Variants in BZW2 observed in about 807,000 individuals in gnomAD.
BZW2 encodes eIF5-mimic protein 1.
A neutral mutation model predicts 53.2 loss-of-function variants in BZW2; 23 were observed. The observed-to-expected ratio is 0.43, with a 90% CI of 0.31 to 0.61. The LOEUF (loss-of-function observed/expected upper bound fraction) is 0.61, where lower values mean the gene tolerates loss of function less well. BZW2 is among the 20% of genes least tolerant of loss of function. BZW2 has a pLI of 0.09. For missense variants in BZW2, 409 were observed against 503.1 expected, an observed-to-expected ratio of 0.81 and a Z score of 1.79; for synonymous variants, 227 against 186.4, an observed-to-expected ratio of 1.22 and a Z score of -1.77.
intron 3 of BZW2, 56 bp from the exon 4 acceptor site, chr7:16,681,245 A>G: frequency 7.4e-7 from 1 of 1,352,130 alleles, no homozygotes; most frequent in Non-Finnish European, 1.1e-6. Context: ...TGTGTTCTGC[A>G]AATGCTGTTC....
In BZW2 at chr7:16,689,822, G is replaced by T. The variant is rs1451231227; in HGVS notation, c.567G>T (p.Lys189Asn). The T allele has an allele frequency of 6.2e-7, 1 of 1,608,320 alleles. No homozygotes were observed. The highest frequency in any genetic ancestry group is 8.5e-7 in the Non-Finnish European group (1 of 1,177,080). Residue 189 changes from lysine (K) to asparagine (N), a missense_variant, in exon 7 of 12, where the codon AAG (lysine) becomes AAT (asparagine). Around this residue, in one of 3 missense-constraint regions of BZW2, gnomAD observed 316 missense variants for 366.8 expected, o/e 0.86. Coordinates refer to ENST00000258761, the MANE Select transcript of BZW2 (RefSeq NM_014038.3). ...GCATTGCGGCCTCATTTGCTGTCAA[G>T]CTTTTCAAAGCATGGATGGCAGAAA... ...KEGIAASFAV[K>N]LFKAWMAEKD...
chr7:16,698,035 A>G lies in BZW2; in HGVS notation c.970-13A>G. 1 of 1,613,716 alleles carries G rather than the reference A, an allele frequency of 6.2e-7. No homozygotes were observed. The highest frequency in any genetic ancestry group is 1.1e-5 in the South Asian group (1 of 91,048). On this transcript the variant is annotated splice_polypyrimidine_tract_variant and intron_variant, in intron 9 of 11. Transcript: ENST00000258761. ...ACGCAAGTGACGGCTTTTACTCTCCACTTCTGTTCTAGCAATATGCTCCCC... is the reference window on the plus strand; with the variant it reads ...ACGCAAGTGACGGCTTTTACTCTCCGCTTCTGTTCTAGCAATATGCTCCCC...
rs1469606802 is a variant in BZW2 at position 16,681,332 on chromosome 7, C to A, written c.267C>A (p.Asp89Glu). 6.2e-7 allele frequency: 1 copy of A among 1,614,024 alleles called. No homozygotes were observed. Among genetic ancestry groups the A allele is most frequent in the Admixed American group, 1.7e-5 (1 of 60,010 alleles). ...APGGTRIDDG[D>E]KTKMTNHCVF... is the part of the protein sequence containing the mutation. ...GAGGAACGCGCATAGATGATGGTGA[C>A]AAGACCAAGATGACCAACCACTGTG... Residue 89 changes from aspartate to glutamate, a missense_variant, in exon 4 of 12, where the codon GAC becomes GAA. Coordinates refer to ENST00000258761, the MANE Select transcript of BZW2 (RefSeq NM_014038.3).
chr7:16,661,838 CAG>C (rs1180983018), intron 1 of BZW2, among the ~76,000 whole-genome samples: 1 of 152,106 alleles, frequency 6.6e-6, no homozygotes, highest in Non-Finnish European at 1.5e-5. Context: ...GTTTTTAAAA[CAG>C]AAGCCAAATT....
intron 7 of BZW2, among the ~76,000 whole-genome samples, chr7:16,692,634 C>T (rs1199037942): frequency 6.6e-6 from 1 of 152,022 alleles, no homozygotes; most frequent in African/African-American, 2.4e-5. Flanking sequence ...CGTGATGGTG[C>T]ACACCTGTAA....
In BZW2 at chr7:16,696,806, C is replaced by G. The variant is rs540234431; in HGVS notation, c.823-109C>G. Reference sequence around the variant, plus strand: ...GCAGACAAGGAAAGGAGAAGCTAAGCAGATTGTTTCTTAGCTGCCCCAAAA... The same window carrying G: ...GCAGACAAGGAAAGGAGAAGCTAAGGAGATTGTTTCTTAGCTGCCCCAAAA... On this transcript the variant is annotated intron_variant, in intron 8 of 11. Transcript: ENST00000258761. 4.7e-6 allele frequency: 5 copies of G among 1,055,814 alleles called. No homozygotes were observed. The South Asian group carries it at 7.4e-5, about 16-fold the overall frequency. The allele number at this position is 1,055,814 out of a possible 1,614,324, so 65.4% of individuals were successfully genotyped here.
At chr7:16,697,170 A>T (rs979746858) in intron 9 of BZW2, 109 bp downstream of exon 9, 29 of 1,305,272 alleles carry the variant, frequency 2.2e-5, no homozygotes, top group Non-Finnish European at 2.9e-5. Context: ...GCTCACTGCA[A>T]CTTTGAACTC....
At chr7:16,675,954 G>A (rs959223507) in intron 3 of BZW2, among the ~76,000 whole-genome samples, 1 of 152,144 alleles carries the variant, frequency 6.6e-6, no homozygotes, top group Non-Finnish European at 1.5e-5. Flanking sequence ...GGTGGCGGCT[G>A]CCTGTAATCC....
chr7:16,668,868 A>G (rs889723713), intron 2 of BZW2, among the ~76,000 whole-genome samples: 2 of 151,882 alleles, frequency 1.3e-5, no homozygotes, highest in African/African-American at 4.8e-5. Context: ...CATCTCACTT[A>G]TGATATATTC....
Position 16,683,236 on chromosome 7 carries a change from T to C in BZW2, c.405+391T>C, listed in dbSNP as rs530652185. Among the ~76,000 whole-genome samples, 4 of 152,314 alleles carry C rather than the reference T, an allele frequency of 2.6e-5. No homozygotes were observed. The East Asian group carries it at 7.7e-4, about 29-fold the overall frequency. ...ATAAAATTTTACATGTACAATGATA[T>C]TGCAGAAGTGCCATATATGTAATAA... On this transcript the variant is annotated intron_variant, in intron 5 of 11. Coordinates refer to ENST00000258761, the MANE Select transcript of BZW2 (RefSeq NM_014038.3).
intron 6 of BZW2, among the ~76,000 whole-genome samples, chr7:16,689,352 C>T (rs1783230396): frequency 6.6e-6 from 1 of 152,192 alleles, no homozygotes; most frequent in African/African-American, 2.4e-5. Flanking sequence ...TGTTCTTGTA[C>T]TGGCATCCTT....
At chr7:16,665,903 A>T (rs1185020648) in intron 2 of BZW2, among the ~76,000 whole-genome samples, 1 of 152,096 alleles carries the variant, frequency 6.6e-6, no homozygotes, top group African/African-American at 2.4e-5. Flanking sequence ...GAGTTTTTTA[A>T]TTTTTCAGAA....
At chr7:16,698,640 C>G (rs1783576773) in intron 10 of BZW2, among the ~76,000 whole-genome samples, 1 of 152,192 alleles carries the variant, frequency 6.6e-6, no homozygotes, top group South Asian at 2.1e-4. Context: ...CCCAGCCATT[C>G]TCCTGTTTTC....
intron 1 of BZW2, among the ~76,000 whole-genome samples, chr7:16,656,555 G>GCGCACACACA (rs1321463865): frequency 2.8e-4 from 39 of 141,300 alleles, no homozygotes; most frequent in African/African-American, 8.7e-4. Context: ...GCGCGCGCGC[G>GCGCACACACA]CACACACACA....
intron 2 of BZW2, among the ~76,000 whole-genome samples, chr7:16,672,229 T>G (rs966548077): frequency 3.3e-5 from 5 of 152,178 alleles, no homozygotes; most frequent in African/African-American, 1.2e-4. Flanking sequence ...TCTGGGAGAT[T>G]TATTGAGATT....
intron 4 of BZW2, among the ~76,000 whole-genome samples, 195 bp from the exon 5 acceptor site, chr7:16,682,585 A>C (rs901792469): frequency 6.6e-6 from 1 of 152,050 alleles, no homozygotes; most frequent in Non-Finnish European, 1.5e-5. Context: ...TCTTACGTGT[A>C]CATTTTGATC....
chr7:16,665,301 C>A, intron 1 of BZW2, 136 bp from the exon 2 acceptor site: 1 of 1,062,558 alleles, frequency 9.4e-7, no homozygotes, highest in Non-Finnish European at 1.4e-6. Context: ...GAGACTCTGT[C>A]TCAATTGAAA....
At position 16,698,342 on chromosome 7, in the gene BZW2, G is replaced by A. The variant is rs1783568236; in HGVS notation, c.1108+156G>A. ...AGTTTTATTGAGGCAACCATACCATGTAGAGAGAGGAGGCATACACGCCAT... is the reference window on the plus strand; with the variant it reads ...AGTTTTATTGAGGCAACCATACCATATAGAGAGAGGAGGCATACACGCCAT... On this transcript the variant is annotated intron_variant, in intron 10 of 11. Transcript: ENST00000258761. The A allele has an allele frequency of 3.0e-6, 3 of 1,007,004 alleles. No homozygotes were observed. In the Admixed American group the frequency reaches 6.2e-5, roughly 21 times the overall value. The allele number at this position is 1,007,004 out of a possible 1,614,324, so 62.4% of individuals were successfully genotyped here. A position where few individuals can be genotyped will look rare whatever the true frequency, so the allele number is the denominator to read the frequency against.
At chr7:16,646,986 GGGC>G (rs1232451198) in intron 1 of BZW2, among the ~76,000 whole-genome samples, 1 of 152,116 alleles carries the variant, frequency 6.6e-6, no homozygotes, top group Non-Finnish European at 1.5e-5. Flanking sequence ...AGGTTGGAGA[GGGC>G]GGAGATTAAA....
Sources: allele counts gnomAD v4.1 joint callset (sites outside exome capture counted in the v4.1 genomes callset), GRCh38; gene constraint gnomAD v4.1.1; regional missense constraint gnomAD v4.1.1; transcripts MANE v1.5; gene names NCBI Gene and HGNC (gene_info 2026-07-23, HGNC 2026-07-21).